The following BIRC6 variants were observed in gnomAD, a reference collection of about 807,000 sequenced individuals.
BIRC6 encodes the protein dual E2 ubiquitin-conjugating enzyme/E3 ubiquitin-protein ligase BIRC6.
BIRC6 carries 98 observed loss-of-function variants against 503.3 expected under a neutral mutation model. That is an observed-to-expected ratio of 0.19 (90% CI 0.17 to 0.23). BIRC6 has a LOEUF of 0.23. Among genes scored for constraint, BIRC6 ranks in the 10% least tolerant of loss-of-function variants. The pLI, the probability that BIRC6 is intolerant of heterozygous loss-of-function variation, is 1.00. For synonymous variants in BIRC6, 2,240 were observed against 2,078.7 expected, an observed-to-expected ratio of 1.08 and a Z score of -2.11; for missense variants, 5,360 against 5,806.0, an observed-to-expected ratio of 0.92 and a Z score of 2.50.
intron 10 of BIRC6, among the ~76,000 whole-genome samples, chr2:32,424,221 T>A (rs1283223648): frequency 3.3e-5 from 5 of 151,994 alleles, no homozygotes; most frequent in African/African-American, 1.2e-4. Flanking sequence ...ATAAATTAAA[T>A]TTATCATATG....
intron 66 of BIRC6, among the ~76,000 whole-genome samples, chr2:32,588,894 T>G (rs938236528): frequency 6.6e-6 from 1 of 152,222 alleles, no homozygotes; most frequent in Non-Finnish European, 1.5e-5. Flanking sequence ...CTTTAGCATT[T>G]ACAAGTTAGT....
At chr2:32,486,060 C>A (rs2050953538) in intron 40 of BIRC6, among the ~76,000 whole-genome samples, 1 of 152,212 alleles carries the variant, frequency 6.6e-6, no homozygotes, top group South Asian at 2.1e-4. Flanking sequence ...CAGAAGCCTT[C>A]ATACCTGCCT....
At chr2:32,609,687 T>A (rs968219512) in intron 72 of BIRC6, among the ~76,000 whole-genome samples, 1 of 151,612 alleles carries the variant, frequency 6.6e-6, no homozygotes, top group Non-Finnish European at 1.5e-5. Flanking sequence ...AGTTGGATAC[T>A]TTACTTTTGC....
intron 29 of BIRC6, 118 bp downstream of exon 29, chr2:32,468,901 C>T: frequency 3.9e-6 from 3 of 760,688 alleles, no homozygotes; most frequent in Non-Finnish European, 6.1e-6. Flanking sequence ...TAAAAAATGT[C>T]AGTATTTATG....
chr2:32,543,645 C>T (rs1286653098), intron 62 of BIRC6, 104 bp downstream of exon 62: 2 of 1,154,170 alleles, frequency 1.7e-6, no homozygotes, highest in East Asian at 5.1e-5. Context: ...CATAGTTAAG[C>T]TGTTAGATGA....
At chr2:32,502,665 C>G (rs2053334424) in intron 47 of BIRC6, 130 bp from the exon 48 acceptor site, 4 of 597,942 alleles carry the variant, frequency 6.7e-6, no homozygotes, top group Non-Finnish European at 1.1e-5. Flanking sequence ...TTTTGGCAGA[C>G]ATTTTGTATT....
chr2:32,359,576 G>A (rs1406801912), intron 1 of BIRC6, among the ~76,000 whole-genome samples: 1 of 152,150 alleles, frequency 6.6e-6, no homozygotes, highest in Non-Finnish European at 1.5e-5. Context: ...GGATACAATT[G>A]CAGGTCCCCA....
At chr2:32,468,408 T>G (rs2048783753) in intron 28 of BIRC6, 29 bp from the exon 29 acceptor site, 1 of 1,491,224 alleles carries the variant, frequency 6.7e-7, no homozygotes, top group Non-Finnish European at 9.1e-7. Flanking sequence ...ATTACAAGAA[T>G]TATTTTGTTC....
At chr2:32,549,630 A>G in intron 65 of BIRC6, 149 bp downstream of exon 65, 1 of 615,766 alleles carries the variant, frequency 1.6e-6, no homozygotes, top group Non-Finnish European at 2.4e-6. Flanking sequence ...TGGTGCCCTT[A>G]ATTTGATACT....
At chr2:32,484,767 T>C (rs181134496) in intron 39 of BIRC6, among the ~76,000 whole-genome samples, 21 of 152,230 alleles carry the variant, frequency 1.4e-4, no homozygotes, top group Admixed American at 1.4e-3. Flanking sequence ...AACTCCTGGG[T>C]GAGCCCAGTC....
chr2:32,573,727 T>C (rs1238824610), intron 65 of BIRC6, among the ~76,000 whole-genome samples: 1 of 152,216 alleles, frequency 6.6e-6, no homozygotes, highest in African/African-American at 2.4e-5. Flanking sequence ...TAATTGGAAG[T>C]TAACATAGGC....
chr2:32,473,789 A>G (rs373211728), intron 33 of BIRC6, among the ~76,000 whole-genome samples: 73 of 90,598 alleles, frequency 8.1e-4, no homozygotes, highest in Admixed American at 2.6e-3. Flanking sequence ...GTCTCATTCT[A>G]TTACCTAGGT....
chr2:32,398,455 G>C (rs899034211), intron 6 of BIRC6, among the ~76,000 whole-genome samples: 6 of 152,168 alleles, frequency 3.9e-5, no homozygotes, highest in African/African-American at 1.4e-4. Context: ...TAGAATGGTA[G>C]ATGATTGGAT....
intron 23 of BIRC6, among the ~76,000 whole-genome samples, chr2:32,458,217 T>C (rs530393911): frequency 2.6e-5 from 4 of 152,304 alleles, no homozygotes; most frequent in Admixed American, 2.6e-4. Flanking sequence ...GCCCTTTTTT[T>C]GCTTTCAGAA....
chr2:32,609,899 C>G (rs558892958), intron 72 of BIRC6, among the ~76,000 whole-genome samples: 1 of 152,264 alleles, frequency 6.6e-6, no homozygotes, highest in South Asian at 2.1e-4. Flanking sequence ...TAGAACCTAG[C>G]TTGCGTTAAA....
intron 6 of BIRC6, among the ~76,000 whole-genome samples, chr2:32,398,202 A>G (rs1025588624): frequency 3.9e-5 from 6 of 152,190 alleles, no homozygotes; most frequent in African/African-American, 1.2e-4. Context: ...TTCCACTTCT[A>G]TTTACGTACC....
At chr2:32,553,188 ACT>A (rs1460021042) in intron 65 of BIRC6, among the ~76,000 whole-genome samples, 1 of 103,926 alleles carries the variant, frequency 9.6e-6, no homozygotes, top group Non-Finnish European at 1.8e-5. Context: ...CAAGAGTGAA[ACT>A]CTGTCTCAAA....
chr2:32,508,303 T>TTG (rs1261646792), intron 51 of BIRC6, 44 bp downstream of exon 51: 1 of 1,274,470 alleles, frequency 7.8e-7, no homozygotes, highest in Non-Finnish European at 1.0e-6. Context: ...TTTTTTTTTT[T>TTG]GGCATGGTTG....
chr2:32,480,303 T>G (rs2050240005), intron 37 of BIRC6, among the ~76,000 whole-genome samples: 1 of 152,204 alleles, frequency 6.6e-6, no homozygotes, highest in Non-Finnish European at 1.5e-5. Context: ...TGTACTTCCC[T>G]TGCGCTCTCA....
Sources: allele counts gnomAD v4.1 joint callset (sites outside exome capture counted in the v4.1 genomes callset), GRCh38; gene constraint gnomAD v4.1.1; transcripts MANE v1.5; gene names NCBI Gene and HGNC (gene_info 2026-07-23, HGNC 2026-07-21).